The following COL5A2 variants were observed in gnomAD, a reference collection of about 807,000 sequenced individuals.
COL5A2 encodes the protein collagen alpha-2(V) chain.
Under a neutral mutation model 208.2 loss-of-function variants are expected in COL5A2, and 23 were observed. That is an observed-to-expected ratio of 0.11 (90% confidence interval 0.08 to 0.16). The LOEUF is 0.16. Ranked by LOEUF, COL5A2 falls within the 10% of genes least tolerant of loss-of-function variation. The pLI, the probability that COL5A2 is intolerant of heterozygous loss-of-function variation, is 1.00. For missense variants in COL5A2, 1,590 were observed against 1,956.4 expected (o/e 0.81, Z 3.53); for synonymous variants, 625 against 628.5 (o/e 0.99, Z 0.08).
chr2:189,382,209 T>A, the COL5A2 span, among the ~76,000 whole-genome samples: 1 of 152,204 alleles, frequency 6.6e-6, no homozygotes, highest in Admixed American at 6.5e-5. Context: ...CAGCTCAGTG[T>A]TTCTATGTTG....
intron 3 of COL5A2, 69 bp from the exon 4 acceptor site, chr2:189,100,208 C>T (rs904388079): frequency 3.2e-6 from 4 of 1,236,182 alleles, no homozygotes; most frequent in Admixed American, 3.4e-5. Flanking sequence ...AAAAACATGT[C>T]ACCCTAGAAT....
chr2:189,204,561 A>C (rs777532272), intron 1 of COL5A2, among the ~76,000 whole-genome samples: 2 of 152,202 alleles, frequency 1.3e-5, no homozygotes, highest in Admixed American at 6.5e-5. Flanking sequence ...TACACTTTCG[A>C]ACTAATGAAT....
chr2:189,101,923 T>C (rs1480246896), intron 3 of COL5A2, among the ~76,000 whole-genome samples: 2 of 152,058 alleles, frequency 1.3e-5, no homozygotes, highest in African/African-American at 4.8e-5. Context: ...CAAAGTAAAA[T>C]AGGCTTATTT....
At chr2:189,145,531 T>C (rs909895065) in intron 1 of COL5A2, among the ~76,000 whole-genome samples, 5 of 152,120 alleles carry the variant, frequency 3.3e-5, no homozygotes, top group African/African-American at 7.2e-5. Context: ...ACTAAAACTT[T>C]ATGAACACAA....
the COL5A2 span, among the ~76,000 whole-genome samples, chr2:189,391,463 G>T: frequency 2.0e-5 from 3 of 152,132 alleles, no homozygotes; most frequent in Non-Finnish European, 4.4e-5. Context: ...GATCACAAAA[G>T]TGCAGAACTA....
upstream of COL5A2, among the ~76,000 whole-genome samples, chr2:189,182,196 A>G (rs1247550488): frequency 6.6e-6 from 1 of 152,168 alleles, no homozygotes; most frequent in African/African-American, 2.4e-5. Context: ...TAAAGAACTG[A>G]TTATAGACCT....
At chr2:189,045,272 A>C in intron 46 of COL5A2, 40 bp from the exon 47 acceptor site, 1 of 1,385,798 alleles carries the variant, frequency 7.2e-7, no homozygotes, top group Non-Finnish European at 1.0e-6. Context: ...GCATGTAAAA[A>C]AGATATTCAC....
chr2:189,156,025 C>T (rs1447513543), intron 1 of COL5A2, among the ~76,000 whole-genome samples: 1 of 152,172 alleles, frequency 6.6e-6, no homozygotes, highest in Non-Finnish European at 1.5e-5. Flanking sequence ...ACATCTTCCG[C>T]CTCTTTCTTT....
the COL5A2 span, among the ~76,000 whole-genome samples, chr2:189,440,985 G>A: frequency 6.6e-6 from 1 of 152,294 alleles, no homozygotes; most frequent in Non-Finnish European, 1.5e-5. Context: ...AACGGCTAAT[G>A]AGAGGAACAA....
chr2:189,066,289 C>A (rs1686146432), intron 23 of COL5A2, 101 bp downstream of exon 23: 2 of 1,121,852 alleles, frequency 1.8e-6, no homozygotes, highest in Non-Finnish European at 2.7e-6. Flanking sequence ...AGGGAACCTG[C>A]AAGCATTTCT....
At chr2:189,387,901 C>T in the COL5A2 span, among the ~76,000 whole-genome samples, 1 of 152,184 alleles carries the variant, frequency 6.6e-6, no homozygotes, top group Non-Finnish European at 1.5e-5. Context: ...CCTCCCAACT[C>T]AGCCTCCCAA....
the COL5A2 span, among the ~76,000 whole-genome samples, chr2:189,272,212 G>A: frequency 2.6e-5 from 4 of 152,108 alleles, no homozygotes; most frequent in Non-Finnish European, 5.9e-5. Flanking sequence ...ACATGCACAC[G>A]TATGTTTATT....
chr2:189,357,986 A>G, the COL5A2 span, among the ~76,000 whole-genome samples: 21 of 152,122 alleles, frequency 1.4e-4, no homozygotes, highest in African/African-American at 5.1e-4. Context: ...GGGAAAGCCC[A>G]TGACCCCTTG....
the COL5A2 span, among the ~76,000 whole-genome samples, chr2:189,403,971 T>A: frequency 2.0e-5 from 3 of 152,172 alleles, no homozygotes; most frequent in African/African-American, 7.2e-5. Context: ...GACCTCGTGA[T>A]CCACCCACCT....
chr2:189,057,290 G>GGAAAAAA, intron 34 of COL5A2, 30 bp downstream of exon 34: 1 of 709,922 alleles, frequency 1.4e-6, no homozygotes, highest in South Asian at 1.8e-5. Flanking sequence ...TAAATGAACT[G>GGAAAAAA]AAAAAAAAAA....
the COL5A2 span, among the ~76,000 whole-genome samples, chr2:189,319,526 C>A: frequency 6.5e-4 from 99 of 152,368 alleles, 1 homozygote; most frequent in African/African-American, 2.1e-3. Context: ...ATATCCCGTG[C>A]CTGGCTCGGA....
At chr2:189,112,555 G>A (rs1687305115) in intron 1 of COL5A2, among the ~76,000 whole-genome samples, 2 of 152,222 alleles carry the variant, frequency 1.3e-5, no homozygotes, top group African/African-American at 4.8e-5. Context: ...TTTGGCAAAC[G>A]GAAAATTGCT....
intron 3 of COL5A2, among the ~76,000 whole-genome samples, chr2:189,100,888 T>C (rs1469773533): frequency 6.6e-6 from 1 of 152,026 alleles, no homozygotes; most frequent in African/African-American, 2.4e-5. Flanking sequence ...TCTTAGAACT[T>C]TTCTCAGAAA....
the COL5A2 span, among the ~76,000 whole-genome samples, chr2:189,355,372 C>G: frequency 2.2e-4 from 33 of 152,208 alleles, no homozygotes; most frequent in East Asian, 2.5e-3. Context: ...CTAATATTGA[C>G]AGTGGGGTGT....
Sources: gnomAD v4.1 joint callset for allele counts (sites outside exome capture counted in the v4.1 genomes callset) on GRCh38, gnomAD v4.1.1 for gene constraint, MANE v1.5 for transcripts, NCBI Gene and HGNC (gene_info 2026-07-23, HGNC 2026-07-21) for gene names.